NRXN1: variants seen among roughly 807,000 people sequenced by gnomAD.
NRXN1 encodes the protein neurexin 1, also known as neurexin-1.
In NRXN1, 39 loss-of-function variants were observed where a neutral mutation model predicts 150.9. That is an observed-to-expected ratio of 0.26 (90% CI 0.20 to 0.34). The LOEUF (loss-of-function observed/expected upper bound fraction) is 0.34, where lower values mean the gene tolerates loss of function less well. Ranked by LOEUF, NRXN1 falls within the 10% of genes least tolerant of loss-of-function variation. The probability of loss-of-function intolerance (pLI) is 1.00; values close to 1 mark genes in which losing one functional copy is unlikely to be tolerated. For synonymous variants in NRXN1, 924 were observed against 757.0 expected, an observed-to-expected ratio of 1.22 and a Z score of -3.62; for missense variants, 1,815 against 1,949.9, an observed-to-expected ratio of 0.93 and a Z score of 1.30.
At chr2:50,781,999 C>G (rs542950020) in intron 5 of NRXN1, among the ~76,000 whole-genome samples, 5 of 152,064 alleles carry the variant, frequency 3.3e-5, no homozygotes, top group Non-Finnish European at 7.4e-5. Flanking sequence ...TTACTATCAC[C>G]GAAAAATAAG....
intron 2 of NRXN1, chr2:51,026,222 T>A (rs1277723864): frequency 1.6e-6 from 1 of 635,620 alleles, no homozygotes; most frequent in Non-Finnish European, 2.8e-6. Context: ...GAAATCAGAT[T>A]TAATAATTCA....
chr2:49,946,303 T>G (rs181789448), intron 21 of NRXN1, among the ~76,000 whole-genome samples: 68 of 152,348 alleles, frequency 4.5e-4, no homozygotes, highest in African/African-American at 1.6e-3. Context: ...GTCAGACAGA[T>G]AGATTGCAAA....
intron 17 of NRXN1, among the ~76,000 whole-genome samples, chr2:50,307,986 G>A (rs1352267709): frequency 6.6e-6 from 1 of 152,152 alleles, no homozygotes; most frequent in Non-Finnish European, 1.5e-5. Context: ...TATTTAATGT[G>A]TACAACATGA....
At chr2:50,324,250 A>C (rs999977915) in intron 17 of NRXN1, among the ~76,000 whole-genome samples, 1 of 152,222 alleles carries the variant, frequency 6.6e-6, no homozygotes, top group African/African-American at 2.4e-5. Context: ...AGTGAAACAC[A>C]CAGAAGGCAA....
chr2:50,495,909 G>C lies in NRXN1; in HGVS notation c.3066C>G (p.Leu1022=). The C allele has an allele frequency of 6.3e-7, 1 of 1,595,924 alleles. No individual in the cohort carries two copies. Among genetic ancestry groups the C allele is most frequent in the Non-Finnish European group, 8.5e-7 (1 of 1,170,364 alleles). The part of the protein sequence containing the change: ...QITAGARNLD[L]KSDLYIGGVA... The stretch of plus-strand genomic sequence containing the variant: ...TCTGACTTAACATGCACTTACTCTT[G>C]AGGTCTAAGTTCCTGGCTCCGGCGG... The change falls in exon 15 of 23, where the codon CTC becomes CTG. Residue 1022 remains leucine, a synonymous_variant. Coordinates refer to ENST00000401669, the MANE Select transcript of NRXN1 (RefSeq NM_001330078.2).
At chr2:50,738,945 A>C (rs1403121576) in intron 5 of NRXN1, among the ~76,000 whole-genome samples, 2 of 152,200 alleles carry the variant, frequency 1.3e-5, no homozygotes, top group Non-Finnish European at 2.9e-5. Flanking sequence ...TCCTGGATAC[A>C]TCACTAAGTG....
chr2:50,238,735 A>G (rs1559149356), intron 17 of NRXN1, among the ~76,000 whole-genome samples: 2 of 152,012 alleles, frequency 1.3e-5, no homozygotes, highest in African/African-American at 2.4e-5. Context: ...GTTTTCTGTT[A>G]CAGACATTTC....
At chr2:50,779,013 C>G (rs1021516774) in intron 5 of NRXN1, among the ~76,000 whole-genome samples, 2 of 152,126 alleles carry the variant, frequency 1.3e-5, no homozygotes. Context: ...CTATATACAT[C>G]TACATTTTTT....
intron 5 of NRXN1, among the ~76,000 whole-genome samples, chr2:50,738,717 C>T (rs746666523): frequency 2.0e-5 from 3 of 152,108 alleles, no homozygotes; most frequent in Non-Finnish European, 4.4e-5. Context: ...TTAAAAATAA[C>T]TTGCTAAAGA....
chr2:50,818,730 A>T (rs534790742), intron 5 of NRXN1, among the ~76,000 whole-genome samples: 1 of 152,118 alleles, frequency 6.6e-6, no homozygotes, highest in Non-Finnish European at 1.5e-5. Context: ...GTGAAAAGGC[A>T]ATCTATGGAA....
At chr2:50,062,566 A>T (rs1694710505) in intron 19 of NRXN1, among the ~76,000 whole-genome samples, 1 of 152,186 alleles carries the variant, frequency 6.6e-6, no homozygotes. Flanking sequence ...GAACAAGCAG[A>T]CTTCCGGGAA....
intron 5 of NRXN1, among the ~76,000 whole-genome samples, chr2:50,755,947 C>A (rs760105623): frequency 6.6e-6 from 1 of 151,670 alleles, no homozygotes; most frequent in Non-Finnish European, 1.5e-5. Flanking sequence ...AAATCAAGGT[C>A]GCTTTTGATG....
chr2:50,184,950 G>C (rs1051745302), intron 18 of NRXN1, among the ~76,000 whole-genome samples: 3 of 152,068 alleles, frequency 2.0e-5, no homozygotes, highest in Non-Finnish European at 2.9e-5. Flanking sequence ...GGTTCCAAAA[G>C]CCTTCCTCTT....
At chr2:50,870,996 A>G (rs1416635572) in intron 5 of NRXN1, among the ~76,000 whole-genome samples, 1 of 151,950 alleles carries the variant, frequency 6.6e-6, no homozygotes, top group Non-Finnish European at 1.5e-5. Flanking sequence ...CATTCTGAAC[A>G]TATGTGCATT....
intron 17 of NRXN1, among the ~76,000 whole-genome samples, chr2:50,408,171 T>C (rs1387164723): frequency 6.6e-6 from 1 of 152,170 alleles, no homozygotes; most frequent in East Asian, 1.9e-4. Flanking sequence ...CTCACAAGAA[T>C]GGCAATGTAA....
At chr2:50,736,393 C>T (rs1698751455) in intron 5 of NRXN1, among the ~76,000 whole-genome samples, 1 of 152,038 alleles carries the variant, frequency 6.6e-6, no homozygotes, top group Non-Finnish European at 1.5e-5. Flanking sequence ...GACATAGATG[C>T]AATTTTGTGT....
intron 5 of NRXN1, among the ~76,000 whole-genome samples, chr2:50,852,425 CA>C (rs375241351): frequency 6.6e-6 from 1 of 152,002 alleles, no homozygotes; most frequent in Non-Finnish European, 1.5e-5. Flanking sequence ...TTAAAATAAT[CA>C]AAAAATAGTT....
chr2:50,660,720 T>C (rs1018419444), intron 5 of NRXN1, among the ~76,000 whole-genome samples: 7 of 152,026 alleles, frequency 4.6e-5, no homozygotes, highest in Admixed American at 3.3e-4. Flanking sequence ...CAGTGCCATA[T>C]TTCTGGCTGG....
At chr2:50,777,913 T>G (rs536793989) in intron 5 of NRXN1, among the ~76,000 whole-genome samples, 1 of 152,180 alleles carries the variant, frequency 6.6e-6, no homozygotes, top group Non-Finnish European at 1.5e-5. Flanking sequence ...GTAGAAATGC[T>G]TAAAAATGTA....
Sources: allele counts gnomAD v4.1 joint callset (sites outside exome capture counted in the v4.1 genomes callset), GRCh38; gene constraint gnomAD v4.1.1; transcripts MANE v1.5; gene names NCBI Gene and HGNC (gene_info 2026-07-23, HGNC 2026-07-21).